Variants in ITGAM observed in about 807,000 individuals in gnomAD.
ITGAM encodes integrin subunit alpha M.
In ITGAM, 79 loss-of-function variants were observed where a neutral mutation model predicts 137.5. The ratio of observed to expected loss-of-function variants is 0.57; its 90% confidence interval spans 0.48 to 0.69. The LOEUF is 0.69. ITGAM is among the 30% of genes least tolerant of loss of function. The probability of loss-of-function intolerance (pLI) is 0.00; values close to 1 mark genes in which losing one functional copy is unlikely to be tolerated. For synonymous variants in ITGAM, 583 were observed against 592.3 expected (o/e 0.98, Z 0.23); for missense variants, 1,343 against 1,483.5 (o/e 0.91, Z 1.56).
intron 1 of ITGAM, among the ~76,000 whole-genome samples, chr16:31,261,042 C>T (rs2079692735): frequency 6.6e-6 from 1 of 152,080 alleles, no homozygotes; most frequent in Non-Finnish European, 1.5e-5. Flanking sequence ...GTCTGCAAAA[C>T]CTAAAATTTA....
chr16:31,303,737 C>T (rs1279344479), intron 14 of ITGAM, among the ~76,000 whole-genome samples: 1 of 152,138 alleles, frequency 6.6e-6, no homozygotes, highest in Non-Finnish European at 1.5e-5. Context: ...CAGTAATGGC[C>T]TCCAGTTCTA....
Position 31,265,427 on chromosome 16 carries a change from C to T in ITGAM, c.167C>T (p.Ala56Val). 1 of 1,606,812 alleles carries T rather than the reference C, an allele frequency of 6.2e-7. No homozygotes were observed. Among genetic ancestry groups the T allele is most frequent in the Non-Finnish European group, 8.5e-7 (1 of 1,177,108 alleles). Residue 56 changes from alanine (A) to valine (V), a missense_variant, in exon 3 of 30, where the codon GCT (alanine) becomes GTT (valine). Physicochemically the swap from Ala to Val is moderately conservative, Grantham distance 64. Coordinates refer to ENST00000544665, the MANE Select transcript of ITGAM (RefSeq NM_000632.4). ...GTTGGAGCCCCCCAGGAGATAGTGG[C>T]TGCCAACCAAAGGGGCAGCCTCTAC... The part of the protein sequence containing the change: ...VVVGAPQEIV[A>V]ANQRGSLYQC...
chr16:31,270,972 GT>G lies in ITGAM; in HGVS notation c.447del (p.Ser149ArgfsTer6). The G allele has an allele frequency of 6.4e-7, 1 of 1,573,894 alleles. No homozygotes were observed. The highest frequency in any genetic ancestry group is 8.6e-7 in the Non-Finnish European group (1 of 1,156,284). On this transcript the variant is annotated frameshift_variant, in exon 6 of 30. Coordinates refer to ENST00000544665, the MANE Select transcript of ITGAM (RefSeq NM_000632.4). LOFTEE classifies it high-confidence loss of function. ...EALRGCPQED[S>X]DIAFLIDGSG... ...TCCCCAGGGTGTCCTCAAGAGGATA[GT>G]GACATTGCCTTCTTGATTGATGGCT...
rs892208960 is a variant in ITGAM, at chr16:31,331,855, ATGTGCGTG to A, written c.*154_*161del. 88 of 503,076 alleles carry A rather than the reference ATGTGCGTG, an allele frequency of 1.7e-4. No individual in the cohort carries two copies. The African/African-American group carries it at 2.0e-3, about 12-fold the overall frequency. 31.2% of individuals were successfully genotyped at this position (503,076 alleles called of 1,614,324 possible). ...TCCATTTGTGTGTGTGCAAGTGTGT[ATGTGCGTG>A]TGTGCAAGTGTCTGTGTGCAAGTGT... On this transcript the variant is annotated 3_prime_UTR_variant, in exon 30 of 30. Coordinates refer to ENST00000544665, the MANE Select transcript of ITGAM (RefSeq NM_000632.4).
intron 23 of ITGAM, 149 bp from the exon 24 acceptor site, chr16:31,329,075 CCCCA>C: frequency 3.2e-6 from 1 of 316,906 alleles, no homozygotes; most frequent in Non-Finnish European, 6.4e-6. Flanking sequence ...ACATTGGTTC[CCCCA>C]TCCCCCTGCA....
intron 14 of ITGAM, among the ~76,000 whole-genome samples, chr16:31,301,395 G>C (rs2144395838): frequency 6.6e-6 from 1 of 152,048 alleles, no homozygotes; most frequent in South Asian, 2.1e-4. Flanking sequence ...TTTATTTCTG[G>C]GCTCTGTATT....
intron 2 of ITGAM, among the ~76,000 whole-genome samples, chr16:31,263,365 A>G (rs1230165999): frequency 6.6e-6 from 1 of 152,260 alleles, no homozygotes; most frequent in African/African-American, 2.4e-5. Context: ...AGTAAAGGCT[A>G]GGACTGGGAT....
intron 12 of ITGAM, among the ~76,000 whole-genome samples, chr16:31,288,654 C>T (rs987484078): frequency 6.6e-6 from 1 of 152,046 alleles, no homozygotes; most frequent in Non-Finnish European, 1.5e-5. Context: ...CCATAAAAAC[C>T]CTAGAAGGAA....
intron 12 of ITGAM, among the ~76,000 whole-genome samples, chr16:31,282,478 C>T (rs2079980582): frequency 6.6e-6 from 1 of 152,154 alleles, no homozygotes; most frequent in African/African-American, 2.4e-5. Flanking sequence ...ATGTAATGGC[C>T]TTCTTTGTCT....
chr16:31,271,079 A>G lies in ITGAM; in HGVS notation c.553A>G (p.Thr185Ala). Residue 185 changes from threonine to alanine, a missense_variant, in exon 6 of 30, where the codon ACC (threonine) becomes GCC (alanine). By Grantham distance (58) the Thr-to-Ala change is moderately conservative (BLOSUM62 0). Coordinates refer to ENST00000544665, the MANE Select transcript of ITGAM (RefSeq NM_000632.4). ...GATGGAGCAATTAAAAAAGTCCAAA[A>G]CCTTGGTGAGGGCCCAGGGGTAGGT... ...TVMEQLKKSK[T>A]LFSLMQYSEE... 1 of 1,564,942 alleles carries G rather than the reference A, an allele frequency of 6.4e-7. No homozygotes were observed. The highest frequency in any genetic ancestry group is 8.7e-7 in the Non-Finnish European group (1 of 1,150,706).
intron 5 of ITGAM, among the ~76,000 whole-genome samples, chr16:31,270,735 ATATATAT>A (rs1313286198): frequency 8.9e-5 from 10 of 112,814 alleles, no homozygotes; most frequent in African/African-American, 3.8e-4. Context: ...ATATATATAT[ATATATAT>A]ATGTTTTTAA....
At chr16:31,263,826 T>C (rs2079732813) in intron 2 of ITGAM, among the ~76,000 whole-genome samples, 1 of 147,324 alleles carries the variant, frequency 6.8e-6, no homozygotes, top group Admixed American at 6.8e-5. Flanking sequence ...TTTATTTATT[T>C]ATTTATTTAT....
chr16:31,306,571 T>C (rs547014803), intron 14 of ITGAM, among the ~76,000 whole-genome samples: 1 of 151,854 alleles, frequency 6.6e-6, no homozygotes, highest in South Asian at 2.1e-4. Context: ...TGGAGTACAG[T>C]GGCATGATCT....
At chr16:31,277,420 G>A (rs773266767) in intron 11 of ITGAM, among the ~76,000 whole-genome samples, 3 of 151,112 alleles carry the variant, frequency 2.0e-5, no homozygotes, top group Admixed American at 1.3e-4. Context: ...GTGCAATGGC[G>A]TGATCTTGGC....
intron 5 of ITGAM, among the ~76,000 whole-genome samples, chr16:31,268,264 A>C (rs1358430871): frequency 6.6e-6 from 1 of 152,196 alleles, no homozygotes; most frequent in Non-Finnish European, 1.5e-5. Flanking sequence ...CTGTGGCTTC[A>C]GCTAACACTT....
chr16:31,277,925 G>T, intron 11 of ITGAM, 42 bp from the exon 12 acceptor site: 1 of 1,549,472 alleles, frequency 6.5e-7, no homozygotes, highest in Non-Finnish European at 8.7e-7. Context: ...GGTGGAGGAG[G>T]GGGCAGGGAA....
intron 9 of ITGAM, among the ~76,000 whole-genome samples, chr16:31,276,319 G>A (rs912639121): frequency 6.6e-6 from 1 of 151,918 alleles, no homozygotes; most frequent in African/African-American, 2.4e-5. Flanking sequence ...AGGTTCTTCT[G>A]CTTTCTTTTC....
chr16:31,324,518 A>T lies in ITGAM; in HGVS notation c.2122A>T (p.Thr708Ser), dbSNP rs1368997443. The T allele has an allele frequency of 2.5e-6, 4 of 1,607,224 alleles. No individual in the cohort carries two copies. The highest frequency in any genetic ancestry group is 3.4e-6 in the Non-Finnish European group (4 of 1,176,978). ...TRRQTQVLGLTQTCETLKLQL... is the reference protein window; with the variant it reads ...TRRQTQVLGLSQTCETLKLQL... ...CAGACAGACACAGGTCTTGGGGCTG[A>T]CCCAGACTTGTGAGACCCTGAAACT... Residue 708 changes from threonine to serine, a missense_variant, in exon 17 of 30, where the codon ACC (threonine) becomes TCC (serine). Transcript: ENST00000544665. The surrounding 1 kb of genome is among the most constrained non-coding windows in gnomAD (Gnocchi z 4.5).
At chr16:31,285,668 G>A (rs992904656) in intron 12 of ITGAM, among the ~76,000 whole-genome samples, 1 of 152,086 alleles carries the variant, frequency 6.6e-6, no homozygotes, top group Admixed American at 6.6e-5. Flanking sequence ...TTTTAGATTT[G>A]GGGTACATGT....
Sources: allele counts gnomAD v4.1 joint callset (sites outside exome capture counted in the v4.1 genomes callset), GRCh38; gene constraint gnomAD v4.1.1; non-coding constraint Gnocchi (gnomAD v3.1); transcripts MANE v1.5; gene names NCBI Gene and HGNC (gene_info 2026-07-23, HGNC 2026-07-21).